LRCH2: variants seen among roughly 807,000 people sequenced by gnomAD.
LRCH2 encodes leucine-rich repeat and calponin homology domain-containing protein 2.
In LRCH2, 38 loss-of-function variants were observed where a neutral mutation model predicts 68.9. The observed-to-expected ratio is 0.55, with a 90% CI of 0.43 to 0.72. The LOEUF is 0.72. Ranked by LOEUF, LRCH2 falls within the 30% of genes least tolerant of loss-of-function variation. LRCH2 has a pLI of 0.00. For missense variants in LRCH2, 528 were observed against 572.9 expected (o/e 0.92, Z 0.80); for synonymous variants, 191 against 208.1 (o/e 0.92, Z 0.71).
intron 1 of LRCH2, among the ~76,000 whole-genome samples, chrX:115,224,359 G>T (rs970907463): frequency 3.6e-5 from 4 of 110,974 alleles, no homozygotes; most frequent in African/African-American, 1.3e-4. Context: ...GTCCACTTTT[G>T]GTCTGTGAAC....
chrX:115,128,555 T>A (rs2072218048), intron 15 of LRCH2, among the ~76,000 whole-genome samples: 1 of 112,519 alleles, frequency 8.9e-6, no homozygotes, highest in Admixed American at 9.4e-5. Flanking sequence ...TACTCACCTA[T>A]TTTTAGACTG....
intron 1 of LRCH2, chrX:115,191,214 CGAG>C: frequency 8.7e-7 from 1 of 1,147,574 alleles, no homozygotes; most frequent in Non-Finnish European, 1.2e-6. Flanking sequence ...GAGGCTGCTA[CGAG>C]GAGTACCGAG....
chrX:115,220,178 T>C (rs368046374), intron 1 of LRCH2, among the ~76,000 whole-genome samples: 1 of 112,010 alleles, frequency 8.9e-6, no homozygotes, highest in Non-Finnish European at 1.9e-5. Flanking sequence ...CAATTACACC[T>C]GGTTGTTTAT....
chrX:115,139,719 C>T (rs1463881197), intron 14 of LRCH2, among the ~76,000 whole-genome samples: 1 of 111,279 alleles, frequency 9.0e-6, no homozygotes, highest in Non-Finnish European at 1.9e-5. Context: ...GGGGGCTTTA[C>T]ATTGAACTTA....
At chrX:115,192,334 G>C in intron 1 of LRCH2, 7 of 1,080,699 alleles carry the variant, frequency 6.5e-6, no homozygotes, top group Non-Finnish European at 8.7e-6. Flanking sequence ...TGGGGGCCGC[G>C]ACAGTTCCAT....
At chrX:115,223,959 A>T (rs781785178) in intron 1 of LRCH2, among the ~76,000 whole-genome samples, 1 of 110,575 alleles carries the variant, frequency 9.0e-6, no homozygotes, top group Non-Finnish European at 1.9e-5. Context: ...GAAGGAAAGA[A>T]ATACTGCCTC....
chrX:115,162,076 T>G (rs1022665215), intron 11 of LRCH2, among the ~76,000 whole-genome samples: 10 of 108,499 alleles, frequency 9.2e-5, no homozygotes, highest in African/African-American at 3.4e-4. Context: ...CACACCACCA[T>G]GCCCGGCTAA....
At chrX:115,164,381 A>G (rs1287920593) in intron 10 of LRCH2, among the ~76,000 whole-genome samples, 1 of 111,870 alleles carries the variant, frequency 8.9e-6, no homozygotes, top group African/African-American at 3.2e-5. Context: ...CTTTAAAAAC[A>G]GTATCAAACC....
chrX:115,124,517 A>T (rs2072169648), intron 16 of LRCH2, among the ~76,000 whole-genome samples: 1 of 112,256 alleles, frequency 8.9e-6, no homozygotes, highest in African/African-American at 3.2e-5. Context: ...CTATGGAAAG[A>T]TTTGTAGTAC....
chrX:115,125,466 T>C (rs1166302405), intron 16 of LRCH2, among the ~76,000 whole-genome samples: 106 of 259 alleles, frequency 0.41, 8 homozygotes, highest in African/African-American at 0.45. Flanking sequence ...TATATATATA[T>C]ATATATATAT....
intron 1 of LRCH2, among the ~76,000 whole-genome samples, chrX:115,199,780 T>A (rs2072917123): frequency 8.9e-6 from 1 of 112,215 alleles, no homozygotes; most frequent in Non-Finnish European, 1.9e-5. Flanking sequence ...AGATATAAAT[T>A]GGACTTTACA....
In LRCH2 at chrX:115,180,071, C is replaced by T. The variant is rs1406923863; in HGVS notation, c.622-320G>A. On this transcript the variant is annotated intron_variant, in intron 3 of 20. Transcript: ENST00000317135. ...AGTAAGAATGATCCAGCACTCTTCA[C>T]GTGGAGGTAAAGTAAAAGACTAACA... Among the ~76,000 whole-genome samples the T allele has an allele frequency of 3.6e-5, 4 of 111,108 alleles. No individual in the cohort carries two copies. In the East Asian group the frequency reaches 8.5e-4, roughly 23 times the overall value.
chrX:115,204,157 C>T (rs782728829), intron 1 of LRCH2, among the ~76,000 whole-genome samples: 5 of 112,985 alleles, frequency 4.4e-5, no homozygotes, highest in Non-Finnish European at 9.4e-5. Flanking sequence ...TGTGCCTTGG[C>T]CCCTTTTAGC....
chrX:115,190,689 C>T, intron 1 of LRCH2: 1 of 1,147,899 alleles, frequency 8.7e-7, no homozygotes. Flanking sequence ...AGAGCCACCA[C>T]TATGGAGGAG....
intron 14 of LRCH2, among the ~76,000 whole-genome samples, chrX:115,136,530 C>T (rs1190094931): frequency 9.2e-6 from 1 of 109,164 alleles, no homozygotes; most frequent in Non-Finnish European, 1.9e-5. Context: ...TCAAGGTTGG[C>T]TGAATGCATG....
Position 115,188,352 on chromosome X carries a change from A to T in LRCH2, c.368T>A (p.Phe123Tyr), listed in dbSNP as rs781787606. Residue 123 changes from phenylalanine (F) to tyrosine (Y), a missense_variant, in exon 2 of 21, where the codon TTT becomes TAT. By Grantham distance (22) the Phe-to-Tyr change is conservative. Coordinates refer to ENST00000317135, the MANE Select transcript of LRCH2 (RefSeq NM_020871.4). ...TTQADLSRNRFTEIPSDVWLF... is the reference protein window; with the variant it reads ...TTQADLSRNRYTEIPSDVWLF... ...CCAGACATCAGAAGGAATTTCTGTA[A>T]AACGATTTCTGGAAAGATCTGAAAA... 7 of 1,183,976 alleles carry T rather than the reference A, an allele frequency of 5.9e-6. No individual in the cohort carries two copies. In the Admixed American group the frequency reaches 7.2e-5, roughly 12 times the overall value.
Position 115,144,917 on chromosome X carries a change from G to A in LRCH2, c.1695+4910C>T, listed in dbSNP as rs782661939. 3.3e-4 allele frequency among the ~76,000 whole-genome samples: 37 copies of A among 111,609 alleles called. 1 individual carries two copies. Among genetic ancestry groups the A allele is most frequent in the Middle Eastern group, 9.3e-3 (2 of 215 alleles). On this transcript the variant is annotated intron_variant, in intron 14 of 20. Transcript: ENST00000317135. ...TGCAATCCCTATCAAAATACCAATG[G>A]CATTCATCACAGAAATAGAAAAATC...
At chrX:115,123,812 G>A (rs2072163147) in intron 17 of LRCH2, 133 bp downstream of exon 17, 7 of 355,810 alleles carry the variant, frequency 2.0e-5, no homozygotes, top group African/African-American at 5.4e-5. Flanking sequence ...GACAAATATC[G>A]TTAAGAGAAA....
intron 1 of LRCH2, among the ~76,000 whole-genome samples, chrX:115,212,446 C>T (rs2073014201): frequency 8.9e-6 from 1 of 112,142 alleles, no homozygotes; most frequent in Admixed American, 9.4e-5. Flanking sequence ...GAAATACTAT[C>T]TAATTTGTCC....
Sources: gnomAD v4.1 joint callset for allele counts (sites outside exome capture counted in the v4.1 genomes callset) on GRCh38, gnomAD v4.1.1 for gene constraint, MANE v1.5 for transcripts, NCBI Gene and HGNC (gene_info 2026-07-23, HGNC 2026-07-21) for gene names.